FGF14: variants seen among roughly 807,000 people sequenced by gnomAD.
The protein encoded by FGF14 is fibroblast growth factor 14.
A neutral mutation model predicts 25.5 loss-of-function variants in FGF14; 5 were observed. The observed-to-expected ratio is 0.20, with a 90% confidence interval of 0.10 to 0.41. The LOEUF is 0.41. Among genes scored for constraint, FGF14 ranks in the 10% least tolerant of loss-of-function variants. The pLI, the probability that FGF14 is intolerant of heterozygous loss-of-function variation, is 1.00. For synonymous variants in FGF14, 138 were observed against 118.3 expected, an observed-to-expected ratio of 1.17 and a Z score of -1.08; for missense variants, 222 against 320.1, an observed-to-expected ratio of 0.69 and a Z score of 2.34.
chr13:102,159,159 A>AG (rs1392402227), intron 1 of FGF14, among the ~76,000 whole-genome samples: 1 of 118,072 alleles, frequency 8.5e-6, no homozygotes, highest in African/African-American at 3.7e-5. Context: ...AAAAAAAAAG[A>AG]AAAGAAAAGA....
intron 1 of FGF14, among the ~76,000 whole-genome samples, chr13:101,965,456 A>T (rs917082291): frequency 1.3e-5 from 2 of 152,182 alleles, no homozygotes; most frequent in African/African-American, 4.8e-5. Context: ...CCAAACATCA[A>T]ATATAAAAAA....
At chr13:101,853,580 C>T (rs562675582) in intron 3 of FGF14, among the ~76,000 whole-genome samples, 1 of 152,036 alleles carries the variant, frequency 6.6e-6, no homozygotes. Flanking sequence ...TCCCAAATAG[C>T]TAGGACTACA....
Position 101,999,466 on chromosome 13 carries a change from T to C in FGF14, c.209-124170A>G, listed in dbSNP as rs75440229. 4.2e-3 allele frequency among the ~76,000 whole-genome samples: 633 copies of C among 152,132 alleles called. 4 individuals are homozygous for C. The highest frequency in any genetic ancestry group is 0.015 in the African/African-American group (607 of 41,492). On this transcript the variant is annotated intron_variant, in intron 1 of 4. Coordinates refer to the FGF14 transcript ENST00000376131. Reference sequence around the variant, plus strand: ...GCAGCAAACTATTTTGCAAAGTAGCTCTTCTTGGTGGAAGCATCTGCCTCC... The same window carrying C: ...GCAGCAAACTATTTTGCAAAGTAGCCCTTCTTGGTGGAAGCATCTGCCTCC...
At chr13:102,175,506 TCTTG>T (rs760315554) in intron 1 of FGF14, among the ~76,000 whole-genome samples, 3 of 151,906 alleles carry the variant, frequency 2.0e-5, no homozygotes, top group Non-Finnish European at 4.4e-5. Flanking sequence ...TAGGAAAAAC[TCTTG>T]GCCCAGCAAA....
At chr13:102,105,032 T>C (rs955078857) in intron 1 of FGF14, among the ~76,000 whole-genome samples, 2 of 152,182 alleles carry the variant, frequency 1.3e-5, no homozygotes, top group Admixed American at 6.5e-5. Context: ...ATATGACTTA[T>C]GCAAAGGAAA....
In FGF14 at chr13:101,720,859, G is replaced by T. The variant is rs1566810710; in HGVS notation, c.*1972C>A. On this transcript the variant is annotated 3_prime_UTR_variant, in exon 5 of 5. Transcript: ENST00000376143. ...GGCAATAAATCTACTCAAACGTTCT[G>T]CTAACTTTTTATTTATTCAAGTAGA... 1 of 152,036 alleles carries T rather than the reference G, an allele frequency of 6.6e-6. No individual in the cohort carries two copies. The allele number at this position is 152,036 out of a possible 1,614,324, so 9.4% of individuals were successfully genotyped here. A position where few individuals can be genotyped will look rare whatever the true frequency, so the allele number is the denominator to read the frequency against.
intron 1 of FGF14, among the ~76,000 whole-genome samples, chr13:101,898,640 A>T (rs2031086969): frequency 1.3e-5 from 2 of 152,154 alleles, no homozygotes; most frequent in Non-Finnish European, 2.9e-5. Context: ...TTTAAGAAGT[A>T]GGGACCCAAA....
chr13:101,947,218 T>G (rs948423432), intron 1 of FGF14, among the ~76,000 whole-genome samples: 4 of 152,210 alleles, frequency 2.6e-5, no homozygotes, highest in African/African-American at 9.6e-5. Context: ...AAAGGAATGC[T>G]TATACACTGT....
At chr13:102,021,519 C>T (rs1030765266) in intron 1 of FGF14, among the ~76,000 whole-genome samples, 6 of 151,576 alleles carry the variant, frequency 4.0e-5, no homozygotes, top group African/African-American at 1.2e-4. Context: ...AGTAGCTGTG[C>T]GTTGCCTGTC....
At chr13:102,180,962 T>C (rs1323589811) in intron 1 of FGF14, among the ~76,000 whole-genome samples, 1 of 152,182 alleles carries the variant, frequency 6.6e-6, no homozygotes, top group East Asian at 1.9e-4. Flanking sequence ...ATCATGTTTA[T>C]ATTATAGTAA....
At chr13:101,735,657 A>G (rs2036133619) in intron 3 of FGF14, among the ~76,000 whole-genome samples, 1 of 148,766 alleles carries the variant, frequency 6.7e-6, no homozygotes, top group Admixed American at 6.7e-5. Flanking sequence ...TGGATTGCCA[A>G]TTATCCCCAT....
intron 3 of FGF14, among the ~76,000 whole-genome samples, chr13:101,843,808 C>A (rs1014219518): frequency 2.0e-5 from 3 of 151,850 alleles, no homozygotes; most frequent in African/African-American, 7.3e-5. Context: ...GGGAGGTGAG[C>A]ATATTGAAAG....
At chr13:102,209,807 C>G (rs568382393) in intron 1 of FGF14, among the ~76,000 whole-genome samples, 14 of 152,076 alleles carry the variant, frequency 9.2e-5, no homozygotes, top group Non-Finnish European at 2.1e-4. Flanking sequence ...CAATGAAAGG[C>G]AAGCACCTAT....
At chr13:102,003,665 C>CTT (rs111575262) in intron 1 of FGF14, among the ~76,000 whole-genome samples, 1,550 of 134,732 alleles carry the variant, frequency 0.012, 29 homozygotes, top group African/African-American at 0.037. Flanking sequence ...AAGGGGTTAG[C>CTT]TTTTTTTTTT....
At position 101,722,956 on chromosome 13, in the gene FGF14, G is replaced by A; in HGVS notation, c.619C>T (p.Arg207Ter). 2 of 1,613,132 alleles carry A rather than the reference G, an allele frequency of 1.2e-6. No individual in the cohort carries two copies. Among genetic ancestry groups the A allele is most frequent in the Non-Finnish European group, 8.5e-7 (1 of 1,179,438 alleles). ...CCAACATCATGCAAAGATGGTTCTCGGTACATGGCAACTAGTGATGGGAAG... is the reference window on the plus strand; with the variant it reads ...CCAACATCATGCAAAGATGGTTCTCAGTACATGGCAACTAGTGATGGGAAG... ...LPKPLEVAMYREPSLHDVGET... is the reference protein window; with the variant it reads ...LPKPLEVAMY Residue 207 changes from arginine to a stop codon, truncating the protein, a stop_gained, in exon 5 of 5, where the codon CGA (arginine) becomes TGA (stop). Transcript: ENST00000376143. LOFTEE classifies it high-confidence loss of function.
intron 1 of FGF14, among the ~76,000 whole-genome samples, chr13:102,166,020 C>T (rs532892245): frequency 1.3e-5 from 2 of 151,202 alleles, no homozygotes; most frequent in South Asian, 4.2e-4. Context: ...CAGCCATCAC[C>T]ATCGTCCATC....
At chr13:101,961,479 T>C (rs778801217) in intron 1 of FGF14, among the ~76,000 whole-genome samples, 3 of 152,184 alleles carry the variant, frequency 2.0e-5, no homozygotes, top group Admixed American at 1.3e-4. Context: ...GTCAGGCTTG[T>C]TGAAGATCAG....
intron 1 of FGF14, among the ~76,000 whole-genome samples, chr13:101,925,078 G>C (rs1276272993): frequency 6.6e-6 from 1 of 152,118 alleles, no homozygotes; most frequent in African/African-American, 2.4e-5. Flanking sequence ...AAACTGTAGA[G>C]GAGGGCAAAG....
At chr13:102,234,716 A>T (rs1025605495) in intron 1 of FGF14, among the ~76,000 whole-genome samples, 1 of 152,206 alleles carries the variant, frequency 6.6e-6, no homozygotes, top group Non-Finnish European at 1.5e-5. Flanking sequence ...TAATATATAT[A>T]CATATATATG....
Sources: gnomAD v4.1 joint callset for allele counts (sites outside exome capture counted in the v4.1 genomes callset) on GRCh38, gnomAD v4.1.1 for gene constraint, MANE v1.5 for transcripts, NCBI Gene and HGNC (gene_info 2026-07-23, HGNC 2026-07-21) for gene names.